Variants in GINS3 observed in about 807,000 individuals in gnomAD.
The protein encoded by GINS3 is DNA replication complex GINS protein PSF3.
In GINS3, 18 loss-of-function variants were observed where a neutral mutation model predicts 20.0. The ratio of observed to expected loss-of-function variants is 0.90; its 90% confidence interval spans 0.62 to 1.33. The LOEUF is 1.33. Ranked by LOEUF, GINS3 falls within the 40% of genes most tolerant of loss-of-function variation. GINS3 has a pLI of 0.00. For synonymous variants in GINS3, 109 were observed against 107.0 expected (o/e 1.02, Z -0.12); for missense variants, 254 against 273.6 (o/e 0.93, Z 0.51).
At chr16:58,403,488 CATAT>C in intron 2 of GINS3, 157 bp downstream of exon 2, 2 of 586,546 alleles carry the variant, frequency 3.4e-6, no homozygotes, top group South Asian at 2.0e-5. Flanking sequence ...TATATATTTA[CATAT>C]ATACACACAC....
chr16:58,401,318 T>C (rs113206333), intron 1 of GINS3, among the ~76,000 whole-genome samples: 112 of 152,224 alleles, frequency 7.4e-4, no homozygotes, highest in African/African-American at 2.3e-3. Context: ...TTACAGCTCA[T>C]GAAGGTAGTG....
At chr16:58,404,204 G>T in intron 2 of GINS3, 1 of 344,706 alleles carries the variant, frequency 2.9e-6, no homozygotes, top group Non-Finnish European at 5.3e-6. Flanking sequence ...AATAATAGGT[G>T]ATGCTTCTCA....
rs929672915 is a variant in GINS3, at chr16:58,405,347, T to C, written c.*618T>C. 1.3e-5 allele frequency: 2 copies of C among 153,048 alleles called. No individual in the cohort carries two copies. Among genetic ancestry groups the C allele is most frequent in the Admixed American group, 6.5e-5 (1 of 15,374 alleles). The allele number at this position is 153,048 out of a possible 1,614,324, so 9.5% of individuals were successfully genotyped here. On this transcript the variant is annotated 3_prime_UTR_variant, in exon 3 of 3. Transcript: ENST00000318129. ...TACTAAAGAAAAGATGTTGGCCTCA[T>C]ACTCTATACTCAGGGCTTAATGAAC...
Position 58,404,719 on chromosome 16 carries a change from T to C in GINS3, c.641T>C (p.Met214Thr), listed in dbSNP as rs143709347. Residue 214 changes from methionine to threonine, a missense_variant, in exon 3 of 3, where the codon ATG (methionine) becomes ACG (threonine). Met to Thr is a moderately conservative substitution (Grantham distance 81). Coordinates refer to ENST00000318129, the MANE Select transcript of GINS3 (RefSeq NM_022770.4). Reference sequence around the variant, plus strand: ...TACAAGAAGAGAAAATTCACTGATATGGAAGACTGAAAGCCGGAAGAACAC... The same window carrying C: ...TACAAGAAGAGAAAATTCACTGATACGGAAGACTGAAAGCCGGAAGAACAC... ...QNYKKRKFTD[M>T]ED 15 of 1,613,018 alleles carry C rather than the reference T, an allele frequency of 9.3e-6. No homozygotes were observed. Among genetic ancestry groups the C allele is most frequent in the Non-Finnish European group, 1.1e-5 (13 of 1,179,202 alleles).
At chr16:58,400,205 A>G (rs934572033) in intron 1 of GINS3, among the ~76,000 whole-genome samples, 2 of 152,256 alleles carry the variant, frequency 1.3e-5, no homozygotes, top group East Asian at 1.9e-4. Flanking sequence ...TGATTACATC[A>G]AAAGGATATA....
rs1440666628 is a variant in GINS3, at chr16:58,396,754, G to A, written c.186+3967G>A. On this transcript the variant is annotated intron_variant, in intron 1 of 2. Coordinates refer to ENST00000318129, the MANE Select transcript of GINS3 (RefSeq NM_022770.4). ...CCCTCCCGGACGGGGCGGCTGGCCGGGCGGGGGGCTGACCCCCCCACCTCC... is the reference window on the plus strand; with the variant it reads ...CCCTCCCGGACGGGGCGGCTGGCCGAGCGGGGGGCTGACCCCCCCACCTCC... Among the ~76,000 whole-genome samples, 7 of 137,836 alleles carry A rather than the reference G, an allele frequency of 5.1e-5. No homozygotes were observed. The East Asian group carries it at 1.6e-3, about 31-fold the overall frequency. The allele number at this position is 137,836 out of a possible 152,430, so 90.4% of individuals were successfully genotyped here. A position where few individuals can be genotyped will look rare whatever the true frequency, so the allele number is the denominator to read the frequency against.
chr16:58,392,588 C>T lies in GINS3; in HGVS notation c.-14C>T, dbSNP rs749114767. On this transcript the variant is annotated 5_prime_UTR_variant, in exon 1 of 3. Coordinates refer to ENST00000318129, the MANE Select transcript of GINS3 (RefSeq NM_022770.4). ...AATCACGCGAGTGGAAGCGGAGAAG[C>T]TCAAGTGGCCGCCATGTCAGAGGCT... 6.2e-7 allele frequency: 1 copy of T among 1,613,084 alleles called. No homozygotes were observed. Among genetic ancestry groups the T allele is most frequent in the Admixed American group, 1.7e-5 (1 of 59,956 alleles).
chr16:58,400,661 T>C (rs942418459), intron 1 of GINS3, among the ~76,000 whole-genome samples: 4 of 152,198 alleles, frequency 2.6e-5, no homozygotes, highest in Admixed American at 2.0e-4. Flanking sequence ...ACTTTCTCTA[T>C]GGAAATGCCT....
intron 1 of GINS3, 126 bp downstream of exon 1, chr16:58,392,913 A>C: frequency 9.5e-7 from 1 of 1,055,102 alleles, no homozygotes; most frequent in South Asian, 1.7e-5. Context: ...GCCAGGGCCG[A>C]AGGCGCTAAC....
At position 58,404,786 on chromosome 16, in the gene GINS3, T is replaced by C; in HGVS notation, c.*57T>C. The C allele has an allele frequency of 8.0e-7, 1 of 1,246,360 alleles. No homozygotes were observed. Among genetic ancestry groups the C allele is most frequent in the Non-Finnish European group, 1.2e-6 (1 of 865,212 alleles). 77.2% of individuals were successfully genotyped at this position (1,246,360 alleles called of 1,614,324 possible). On this transcript the variant is annotated 3_prime_UTR_variant, in exon 3 of 3. Coordinates refer to ENST00000318129, the MANE Select transcript of GINS3 (RefSeq NM_022770.4). ...GACGTATCCCTCCGTGTGTCCTTGA[T>C]AGGAGCTGGTTGACCTTGTACAGAA...
intron 1 of GINS3, among the ~76,000 whole-genome samples, chr16:58,400,748 A>T (rs888721546): frequency 6.6e-6 from 1 of 151,978 alleles, no homozygotes; most frequent in Non-Finnish European, 1.5e-5. Context: ...CTTTTAGCAC[A>T]TAAAAAAAAA....
At position 58,404,644 on chromosome 16, in the gene GINS3, G is replaced by C. The variant is rs1966004021; in HGVS notation, c.566G>C (p.Trp189Ser). 6.2e-7 allele frequency: 1 copy of C among 1,614,102 alleles called. No homozygotes were observed. The highest frequency in any genetic ancestry group is 8.5e-7 in the Non-Finnish European group (1 of 1,180,002). ...GQKGLNDFQC[W>S]EKGQASQITA... ...AAAGGACTGAATGACTTTCAGTGTTGGGAGAAGGGGCAGGCTTCTCAGATC... is the reference window on the plus strand; with the variant it reads ...AAAGGACTGAATGACTTTCAGTGTTCGGAGAAGGGGCAGGCTTCTCAGATC... Residue 189 changes from tryptophan (W) to serine (S), a missense_variant, in exon 3 of 3, where the codon TGG (tryptophan) becomes TCG (serine). Trp to Ser is a radical substitution (Grantham distance 177, BLOSUM62 -3). Transcript: ENST00000318129.
chr16:58,403,553 A>G (rs765812305), intron 2 of GINS3: 1 of 517,418 alleles, frequency 1.9e-6, no homozygotes, highest in Non-Finnish European at 3.4e-6. Context: ...GCCACTCCTC[A>G]TATTTGCTTG....
chr16:58,396,130 TG>T (rs1480355799), intron 1 of GINS3, among the ~76,000 whole-genome samples: 1 of 85,034 alleles, frequency 1.2e-5, no homozygotes. Context: ...GCTGGCTGGG[TG>T]GGGGGCTGAC....
chr16:58,395,283 TTTTC>T (rs1965837442), intron 1 of GINS3: 1 of 337,224 alleles, frequency 3.0e-6, no homozygotes, highest in East Asian at 4.2e-5. Flanking sequence ...TTTTTTTTTT[TTTTC>T]TATTTGTACA....
At chr16:58,397,588 C>G (rs1488754965) in intron 1 of GINS3, among the ~76,000 whole-genome samples, 2 of 152,014 alleles carry the variant, frequency 1.3e-5, no homozygotes, top group Non-Finnish European at 2.9e-5. Flanking sequence ...GCGGATCACT[C>G]GCGGTTAGGA....
At chr16:58,402,438 C>T (rs748906905) in intron 1 of GINS3, among the ~76,000 whole-genome samples, 3 of 152,186 alleles carry the variant, frequency 2.0e-5, no homozygotes, top group Non-Finnish European at 4.4e-5. Context: ...CAAAGCTGCT[C>T]CCATCTTTTT....
Position 58,392,492 on chromosome 16 carries a change from C to T in GINS3, c.-110C>T, listed in dbSNP as rs1965790130. ...CGGGAAACGAGTTTCAATCCACTTT[C>T]CTGACCCCAACCATCCTGCCCAGTC... On this transcript the variant is annotated 5_prime_UTR_variant, in exon 1 of 3. Coordinates refer to ENST00000318129, the MANE Select transcript of GINS3 (RefSeq NM_022770.4). 5 of 1,263,420 alleles carry T rather than the reference C, an allele frequency of 4.0e-6. No individual in the cohort carries two copies. Among genetic ancestry groups the T allele is most frequent in the Non-Finnish European group, 5.5e-6 (5 of 901,120 alleles). 78.3% of individuals were successfully genotyped at this position (1,263,420 alleles called of 1,614,324 possible). A position where few individuals can be genotyped will look rare whatever the true frequency, so the allele number is the denominator to read the frequency against.
intron 1 of GINS3, among the ~76,000 whole-genome samples, chr16:58,398,984 C>T (rs546989951): frequency 1.3e-4 from 20 of 152,142 alleles, no homozygotes; most frequent in African/African-American, 4.1e-4. Context: ...TATTCTCTAT[C>T]CTTGCAATTT....
Sources: allele counts gnomAD v4.1 joint callset (sites outside exome capture counted in the v4.1 genomes callset), GRCh38; gene constraint gnomAD v4.1.1; transcripts MANE v1.5; gene names NCBI Gene and HGNC (gene_info 2026-07-23, HGNC 2026-07-21).